P2RY12: variants seen among roughly 807,000 people sequenced by gnomAD.
P2RY12 encodes P2Y purinoceptor 12.
Under a neutral mutation model 4.5 loss-of-function variants are expected in P2RY12, and 3 were observed. The observed-to-expected ratio is 0.67, with a 90% CI of 0.31 to 1.74. The LOEUF is 1.74. Ranked by LOEUF, P2RY12 falls within the 40% of genes most tolerant of loss-of-function variation. The pLI is 0.09. For missense variants in P2RY12, 356 were observed against 407.8 expected, an observed-to-expected ratio of 0.87 and a Z score of 1.09; for synonymous variants, 148 against 154.1, an observed-to-expected ratio of 0.96 and a Z score of 0.29.
At chr3:151,368,328 C>G (rs1275872523) in intron 1 of P2RY12, 2 of 1,279,450 alleles carry the variant, frequency 1.6e-6, no homozygotes, top group East Asian at 2.4e-5. Flanking sequence ...TAGGCTGTCC[C>G]TTTCTGTAAT....
chr3:151,370,133 T>C (rs1207487451), intron 1 of P2RY12, among the ~76,000 whole-genome samples: 2 of 152,216 alleles, frequency 1.3e-5, no homozygotes, highest in African/African-American at 4.8e-5. Flanking sequence ...AGATGTTCTT[T>C]ACATCCTTAT....
chr3:151,346,698 C>A (rs950068136), intron 1 of P2RY12, among the ~76,000 whole-genome samples: 1 of 152,066 alleles, frequency 6.6e-6, no homozygotes, highest in Non-Finnish European at 1.5e-5. Flanking sequence ...GCTTATTTCT[C>A]CCCTCACCAT....
chr3:151,338,270 G>A lies in P2RY12; in HGVS notation c.576C>T (p.Tyr192=). The change falls in exon 3 of 3, where the codon TAC becomes TAT. Residue 192 remains tyrosine (Y), a synonymous_variant. Transcript: ENST00000302632. ...FGLVWHEIVN[Y]ICQVIFWINF... ...TAATCCAGAAAATGACTTGACAGAT[G>A]TAATTTACTATTTCATGCCAGACTA... 1.2e-6 allele frequency: 2 copies of A among 1,613,952 alleles called. No homozygotes were observed. The highest frequency in any genetic ancestry group is 1.1e-5 in the South Asian group (1 of 91,074).
intron 1 of P2RY12, chr3:151,355,173 A>G (rs778652021): frequency 6.2e-7 from 1 of 1,614,048 alleles, no homozygotes; most frequent in South Asian, 1.1e-5. Flanking sequence ...CATTTCCAAC[A>G]CTGGAGACTG....
At chr3:151,342,644 A>G (rs1032397757) in intron 1 of P2RY12, among the ~76,000 whole-genome samples, 32 of 152,216 alleles carry the variant, frequency 2.1e-4, no homozygotes, top group African/African-American at 7.7e-4. Context: ...ACTTGAAGCT[A>G]TTAATATCAG....
intron 1 of P2RY12, chr3:151,380,265 T>C: frequency 7.6e-7 from 1 of 1,316,876 alleles, no homozygotes; most frequent in Non-Finnish European, 1.1e-6. Flanking sequence ...AATATCTTTC[T>C]AACGGCATTC....
In P2RY12 at chr3:151,368,727, T is replaced by G. The variant is rs373869453; in HGVS notation, c.-180+15965A>C. Among the ~76,000 whole-genome samples the G allele has an allele frequency of 1.1e-3, 100 of 89,758 alleles. 2 individuals are homozygous for G. In the South Asian group the frequency reaches 0.016, roughly 15 times the overall value. 58.9% of individuals were successfully genotyped at this position (89,758 alleles called of 152,430 possible). A position where few individuals can be genotyped will look rare whatever the true frequency, so the allele number is the denominator to read the frequency against. ...TTCATTTCATTTCATTTCATTTCAT[T>G]TCATTTCATTTCATTTCATTTCATG... On this transcript the variant is annotated intron_variant, in intron 1 of 2. Coordinates refer to ENST00000302632, the MANE Select transcript of P2RY12 (RefSeq NM_022788.5).
intron 1 of P2RY12, among the ~76,000 whole-genome samples, chr3:151,354,347 TA>T (rs1200481033): frequency 6.6e-6 from 1 of 152,168 alleles, no homozygotes; most frequent in Non-Finnish European, 1.5e-5. Flanking sequence ...TTATTTTTTT[TA>T]ATTGGAATTT....
chr3:151,356,203 C>T (rs1390461359), intron 1 of P2RY12, among the ~76,000 whole-genome samples: 1 of 151,982 alleles, frequency 6.6e-6, no homozygotes, highest in Non-Finnish European at 1.5e-5. Context: ...AGTTTTAGAC[C>T]AGCCTGGGCA....
chr3:151,362,541 C>A (rs1350348526), intron 1 of P2RY12, among the ~76,000 whole-genome samples: 1 of 152,006 alleles, frequency 6.6e-6, no homozygotes, highest in Non-Finnish European at 1.5e-5. Context: ...TTAAATAGCA[C>A]CCCCATGTCA....
chr3:151,360,341 CTATTT>C (rs1754461522), intron 1 of P2RY12: 1 of 744,958 alleles, frequency 1.3e-6, no homozygotes, highest in Non-Finnish European at 2.2e-6. Context: ...ATTTACTATT[CTATTT>C]ATTAGTTTCA....
chr3:151,380,429 TGTA>T (rs1176537016), intron 1 of P2RY12, among the ~76,000 whole-genome samples: 6 of 152,162 alleles, frequency 3.9e-5, no homozygotes, highest in Middle Eastern at 3.4e-3. Context: ...AAACCCCGTC[TGTA>T]CTAAAAATAC....
At chr3:151,361,355 G>A (rs990746862) in intron 1 of P2RY12, among the ~76,000 whole-genome samples, 8 of 151,974 alleles carry the variant, frequency 5.3e-5, no homozygotes, top group African/African-American at 1.7e-4. Flanking sequence ...TTAAAAGTAG[G>A]AAACCTGGTT....
At chr3:151,345,996 G>A (rs1034453885) in intron 1 of P2RY12, among the ~76,000 whole-genome samples, 5 of 152,058 alleles carry the variant, frequency 3.3e-5, no homozygotes, top group African/African-American at 1.2e-4. Flanking sequence ...CCTTATAGAG[G>A]TTGAGCAGTG....
intron 1 of P2RY12, among the ~76,000 whole-genome samples, chr3:151,358,006 G>A (rs1464522878): frequency 6.6e-6 from 1 of 151,878 alleles, no homozygotes; most frequent in Non-Finnish European, 1.5e-5. Flanking sequence ...CACTCTCCAG[G>A]GCTTTTTATT....
At chr3:151,380,093 T>C in intron 1 of P2RY12, 1 of 1,436,030 alleles carries the variant, frequency 7.0e-7, no homozygotes, top group Non-Finnish European at 9.6e-7. Context: ...GATCTGTTGT[T>C]ATTATTACTT....
chr3:151,384,454 C>G, intron 1 of P2RY12, among the ~76,000 whole-genome samples: 1 of 152,020 alleles, frequency 6.6e-6, no homozygotes, highest in East Asian at 1.9e-4. Flanking sequence ...TTTTAAAGAA[C>G]TTTAGAAATC....
intron 1 of P2RY12, among the ~76,000 whole-genome samples, chr3:151,383,394 T>C (rs548922596): frequency 6.6e-6 from 1 of 152,340 alleles, no homozygotes; most frequent in South Asian, 2.1e-4. Context: ...TTAGATTCAA[T>C]AGTAATTGTA....
intron 1 of P2RY12, among the ~76,000 whole-genome samples, chr3:151,341,094 G>C (rs1751762936): frequency 6.6e-6 from 1 of 152,074 alleles, no homozygotes; most frequent in Non-Finnish European, 1.5e-5. Context: ...TTTCTTGGGT[G>C]GTTAATTTAT....
Sources: allele counts gnomAD v4.1 joint callset (sites outside exome capture counted in the v4.1 genomes callset), GRCh38; gene constraint gnomAD v4.1.1; transcripts MANE v1.5; gene names NCBI Gene and HGNC (gene_info 2026-07-23, HGNC 2026-07-21).